The following AASDHPPT variants were observed in gnomAD, a reference collection of about 807,000 sequenced individuals.
The protein encoded by AASDHPPT is aminoadipate-semialdehyde dehydrogenase-phosphopantetheinyl transferase, also known as L-aminoadipate-semialdehyde dehydrogenase-phosphopantetheinyl transferase.
In AASDHPPT, 23 loss-of-function variants were observed where a neutral mutation model predicts 36.4. The ratio of observed to expected loss-of-function variants is 0.63; its 90% CI spans 0.45 to 0.89. AASDHPPT has a LOEUF of 0.89. Ranked by LOEUF, AASDHPPT falls within the 40% of genes least tolerant of loss-of-function variation. The pLI is 0.00. For missense variants in AASDHPPT, 377 were observed against 378.2 expected (o/e 1.00, Z 0.03); for synonymous variants, 115 against 128.0 (o/e 0.90, Z 0.68).
At chr11:106,087,684 G>T (rs948672034) in intron 2 of AASDHPPT, among the ~76,000 whole-genome samples, 1 of 152,118 alleles carries the variant, frequency 6.6e-6, no homozygotes, top group Non-Finnish European at 1.5e-5. Context: ...GGATCTAAAT[G>T]ATTTTGTTGT....
chr11:106,091,239 T>C, intron 3 of AASDHPPT, 77 bp from the exon 4 acceptor site: 2 of 1,310,252 alleles, frequency 1.5e-6, no homozygotes, highest in Non-Finnish European at 2.1e-6. Flanking sequence ...TGAAACTCCC[T>C]ATCTTTTGGA....
chr11:106,091,182 T>A, intron 3 of AASDHPPT, 134 bp from the exon 4 acceptor site: 1 of 713,432 alleles, frequency 1.4e-6, no homozygotes, highest in Middle Eastern at 4.1e-4. Flanking sequence ...TGTAAGGGTT[T>A]TTTTTTAAAA....
intron 4 of AASDHPPT, 135 bp downstream of exon 4, chr11:106,091,612 G>A (rs1233315853): frequency 2.5e-6 from 2 of 807,386 alleles, no homozygotes; most frequent in Non-Finnish European, 3.7e-6. Context: ...AGTGAAATCA[G>A]GGCTACTATG....
In AASDHPPT at chr11:106,085,352, C is replaced by T. The variant is rs372750411; in HGVS notation, c.410-5205C>T. ...TCCTGACCTCGTGATCTACCCGCCTCGGCCTCCCAAAGTGCTGGGATTACA... is the reference window on the plus strand; with the variant it reads ...TCCTGACCTCGTGATCTACCCGCCTTGGCCTCCCAAAGTGCTGGGATTACA... On this transcript the variant is annotated intron_variant, in intron 2 of 5. Transcript: ENST00000278618. 7.1e-4 allele frequency among the ~76,000 whole-genome samples: 107 copies of T among 151,282 alleles called. 1 individual carries two copies. The highest frequency in any genetic ancestry group is 2.5e-3 in the African/African-American group (103 of 41,192).
At position 106,095,798 on chromosome 11, in the gene AASDHPPT, T is replaced by G. The variant is rs557745106; in HGVS notation, c.766-945T>G. On this transcript the variant is annotated intron_variant, in intron 5 of 5. Transcript: ENST00000278618. ...AAAATTGACACCTGTTATCTGAAGA[T>G]GTTCTGACCCAGGTTACTCGTCCTT... The G allele has an allele frequency of 1.5e-4, 23 of 152,352 alleles. 1 individual carries two copies. Among genetic ancestry groups the G allele is most frequent in the African/African-American group, 5.5e-4 (23 of 41,588 alleles). The allele number at this position is 152,352 out of a possible 1,614,324, so 9.4% of individuals were successfully genotyped here.
At chr11:106,088,045 C>T (rs1176100034) in intron 2 of AASDHPPT, among the ~76,000 whole-genome samples, 3 of 152,142 alleles carry the variant, frequency 2.0e-5, no homozygotes, top group Non-Finnish European at 2.9e-5. Context: ...CGCTGCTGTG[C>T]TTTGGCCGAA....
intron 5 of AASDHPPT, 162 bp from the exon 6 acceptor site, chr11:106,096,581 G>T: frequency 8.2e-6 from 4 of 486,100 alleles, no homozygotes; most frequent in Non-Finnish European, 1.0e-5. Context: ...TTGTTGTATT[G>T]GCAACACTAA....
At chr11:106,077,937 C>A in intron 1 of AASDHPPT, 44 bp downstream of exon 1, 2 of 1,590,506 alleles carry the variant, frequency 1.3e-6, no homozygotes, top group Non-Finnish European at 1.7e-6. Context: ...GGAAGCAGAT[C>A]TTGGGGGAGG....
chr11:106,080,383 G>A (rs1387603977), intron 2 of AASDHPPT, among the ~76,000 whole-genome samples: 3 of 152,138 alleles, frequency 2.0e-5, no homozygotes, highest in Non-Finnish European at 2.9e-5. Flanking sequence ...GCCCATTTAT[G>A]TAAGTAAAAA....
intron 4 of AASDHPPT, 38 bp downstream of exon 4, chr11:106,091,515 C>A: frequency 3.3e-6 from 5 of 1,534,434 alleles, no homozygotes; most frequent in South Asian, 1.3e-5. Flanking sequence ...CTAAGAATTT[C>A]TATTTTTTAT....
Position 106,097,000 on chromosome 11 carries a change from C to T in AASDHPPT, c.*93C>T, listed in dbSNP as rs961212666. ...GCTTGTTTAGTATCAAATTTTATTT[C>T]ACGAAAGTTTTTTTAAAGAACAGAA... On this transcript the variant is annotated 3_prime_UTR_variant, in exon 6 of 6. Transcript: ENST00000278618. The T allele has an allele frequency of 7.8e-6, 10 of 1,284,072 alleles. No individual in the cohort carries two copies. The highest frequency in any genetic ancestry group is 1.0e-5 in the Non-Finnish European group (10 of 966,858). 79.5% of individuals were successfully genotyped at this position (1,284,072 alleles called of 1,614,324 possible).
At chr11:106,080,036 ATC>A (rs1191617557) in intron 2 of AASDHPPT, among the ~76,000 whole-genome samples, 1 of 152,218 alleles carries the variant, frequency 6.6e-6, no homozygotes, top group Non-Finnish European at 1.5e-5. Context: ...TTAAAAAAGA[ATC>A]TGAATAGTAA....
At chr11:106,078,009 T>C in intron 1 of AASDHPPT, 116 bp downstream of exon 1, 1 of 1,310,496 alleles carries the variant, frequency 7.6e-7, no homozygotes, top group African/African-American at 1.5e-5. Context: ...CTGTGGAGCC[T>C]GTGGCCGGCC....
rs982353209 is a variant in AASDHPPT, at chr11:106,098,163, T to C, written c.*1256T>C. On this transcript the variant is annotated 3_prime_UTR_variant, in exon 6 of 6. Transcript: ENST00000278618. Reference sequence around the variant, plus strand: ...CTTTTTGGTTTAATTTTTGCCAATGTAATTAAAAAATGGTATGTCATTTTT... The same window carrying C: ...CTTTTTGGTTTAATTTTTGCCAATGCAATTAAAAAATGGTATGTCATTTTT... The C allele has an allele frequency of 6.6e-6, 1 of 152,184 alleles. No homozygotes were observed. The highest frequency in any genetic ancestry group is 1.5e-5 in the Non-Finnish European group (1 of 68,010). 9.4% of individuals were successfully genotyped at this position (152,184 alleles called of 1,614,324 possible).
intron 1 of AASDHPPT, among the ~76,000 whole-genome samples, 165 bp downstream of exon 1, chr11:106,078,058 G>T (rs1370317453): frequency 1.3e-5 from 2 of 152,196 alleles, no homozygotes; most frequent in Non-Finnish European, 2.9e-5. Context: ...TGTGGGCGAC[G>T]CACGGCCTGG....
chr11:106,090,528 T>C (rs765295508), intron 2 of AASDHPPT, 29 bp from the exon 3 acceptor site: 6 of 1,533,230 alleles, frequency 3.9e-6, no homozygotes, highest in Non-Finnish European at 5.3e-6. Context: ...ATAGAACTGC[T>C]ATTTAATTTT....
At chr11:106,088,335 A>G (rs868836128) in intron 2 of AASDHPPT, among the ~76,000 whole-genome samples, 1 of 152,176 alleles carries the variant, frequency 6.6e-6, no homozygotes. Context: ...AAATTTGAAG[A>G]AAGCAGCAAG....
Position 106,098,157 on chromosome 11 carries a change from C to T in AASDHPPT, c.*1250C>T, listed in dbSNP as rs184552615. 6 of 152,064 alleles carry T rather than the reference C, an allele frequency of 3.9e-5. 1 individual carries two copies. Among genetic ancestry groups the T allele is most frequent in the Admixed American group, 3.9e-4 (6 of 15,256 alleles). The allele number at this position is 152,064 out of a possible 1,614,324, so 9.4% of individuals were successfully genotyped here. On this transcript the variant is annotated 3_prime_UTR_variant, in exon 6 of 6. Transcript: ENST00000278618. Reference sequence around the variant, plus strand: ...GGTATTCTTTTTGGTTTAATTTTTGCCAATGTAATTAAAAAATGGTATGTC... The same window carrying T: ...GGTATTCTTTTTGGTTTAATTTTTGTCAATGTAATTAAAAAATGGTATGTC...
In AASDHPPT at chr11:106,096,809, A is replaced by C. The variant is rs755091185; in HGVS notation, c.832A>C (p.Met278Leu). ...QFTILNFNDL[M>L]SSAVPMTPED... The stretch of plus-strand genomic sequence containing the variant: ...TACTATTCTCAACTTTAATGATTTA[A>C]TGTCATCTGCCGTTCCCATGACACC... Residue 278 changes from methionine (M) to leucine (L), a missense_variant, in exon 6 of 6, where the codon ATG becomes CTG. Physicochemically the swap from Met to Leu is conservative, Grantham distance 15. Coordinates refer to ENST00000278618, the MANE Select transcript of AASDHPPT (RefSeq NM_015423.3). 3 of 1,610,870 alleles carry C rather than the reference A, an allele frequency of 1.9e-6. No individual in the cohort carries two copies. The highest frequency in any genetic ancestry group is 2.5e-6 in the Non-Finnish European group (3 of 1,178,538).
Sources: allele counts gnomAD v4.1 joint callset (sites outside exome capture counted in the v4.1 genomes callset), GRCh38; gene constraint gnomAD v4.1.1; transcripts MANE v1.5; gene names NCBI Gene and HGNC (gene_info 2026-07-23, HGNC 2026-07-21).